PRKCA: variants seen among roughly 807,000 people sequenced by gnomAD.
PRKCA encodes protein kinase C alpha type.
PRKCA carries 27 observed loss-of-function variants against 87.0 expected under a neutral mutation model. The ratio of observed to expected loss-of-function variants is 0.31; its 90% CI spans 0.23 to 0.43. PRKCA has a LOEUF of 0.43. Among genes scored for constraint, PRKCA ranks in the 20% least tolerant of loss-of-function variants. The pLI is 1.00. For synonymous variants in PRKCA, 329 were observed against 311.1 expected (o/e 1.06, Z -0.61); for missense variants, 518 against 852.3 (o/e 0.61, Z 4.88).
intron 2 of PRKCA, among the ~76,000 whole-genome samples, chr17:66,356,302 C>T (rs1908045663): frequency 6.6e-6 from 1 of 151,472 alleles, no homozygotes; most frequent in African/African-American, 2.4e-5. Context: ...TTTTCTTTAT[C>T]ATCCACTTTT....
At chr17:66,641,948 T>A (rs1354027398) in intron 4 of PRKCA, among the ~76,000 whole-genome samples, 1 of 152,100 alleles carries the variant, frequency 6.6e-6, no homozygotes, top group Non-Finnish European at 1.5e-5. Context: ...CAGAATAGCA[T>A]CTTATTGAAG....
chr17:66,590,844 C>T (rs375150230), intron 3 of PRKCA, among the ~76,000 whole-genome samples: 7 of 151,630 alleles, frequency 4.6e-5, no homozygotes, highest in African/African-American at 1.7e-4. Flanking sequence ...AGCAAGACTC[C>T]GTCTCAAAAA....
At chr17:66,571,910 G>A (rs1969089181) in intron 3 of PRKCA, among the ~76,000 whole-genome samples, 1 of 152,170 alleles carries the variant, frequency 6.6e-6, no homozygotes, top group Non-Finnish European at 1.5e-5. Context: ...CTGTATGATA[G>A]TGCAGGGAAC....
At position 66,377,698 on chromosome 17, in the gene PRKCA, G is replaced by GTT. The variant is rs61113832; in HGVS notation, c.205+71574_205+71575dup. On this transcript the variant is annotated intron_variant, in intron 2 of 16. Coordinates refer to ENST00000413366, the MANE Select transcript of PRKCA (RefSeq NM_002737.3). ...TCTATTATATATATATAAAGTCTATGTTTTATATATATATATATATATATT... is the reference window on the plus strand; with the variant it reads ...TCTATTATATATATATAAAGTCTATGTTTTTTATATATATATATATATATATT... Among the ~76,000 whole-genome samples the GTT allele has an allele frequency of 1.3e-3, 108 of 86,006 alleles. 1 individual carries two copies. Among genetic ancestry groups the GTT allele is most frequent in the Admixed American group, 3.1e-3 (18 of 5,726 alleles). 56.4% of individuals were successfully genotyped at this position (86,006 alleles called of 152,430 possible).
intron 13 of PRKCA, among the ~76,000 whole-genome samples, chr17:66,770,888 G>A (rs896973006): frequency 6.6e-6 from 1 of 152,290 alleles, no homozygotes; most frequent in African/African-American, 2.4e-5. Flanking sequence ...GAAGATGCAC[G>A]TGTCTGGGAA....
chr17:66,402,780 A>G (rs951875976), intron 2 of PRKCA, among the ~76,000 whole-genome samples: 3 of 152,230 alleles, frequency 2.0e-5, no homozygotes, highest in African/African-American at 7.2e-5. Context: ...AAGAAGGAAT[A>G]ATTCATAGAA....
chr17:66,784,157 G>A (rs540313512), intron 14 of PRKCA, among the ~76,000 whole-genome samples: 1 of 152,280 alleles, frequency 6.6e-6, no homozygotes, highest in East Asian at 1.9e-4. Context: ...TCCCTGCCAG[G>A]GCACATTTAC....
At chr17:66,512,575 C>T (rs16959404) in intron 3 of PRKCA, among the ~76,000 whole-genome samples, 21,200 of 151,980 alleles carry the variant, frequency 0.14, 1,775 homozygotes, top group East Asian at 0.3. Flanking sequence ...ACATCCCAAG[C>T]TCATTGGCAC....
chr17:66,775,229 T>G, intron 14 of PRKCA: 14 of 981,190 alleles, frequency 1.4e-5, no homozygotes, highest in Non-Finnish European at 1.7e-5. Flanking sequence ...GGTGGGGCAC[T>G]GACCCACAGG....
chr17:66,423,991 T>C lies in PRKCA; in HGVS notation c.206-72210T>C, dbSNP rs1912639260. The stretch of plus-strand genomic sequence containing the variant: ...CCCTGTTTATTAAAACAATTCTCTT[T>C]GGCACTTTGCAGCATTATGATAATG... On this transcript the variant is annotated intron_variant, in intron 2 of 16. Transcript: ENST00000413366. 3.3e-5 allele frequency among the ~76,000 whole-genome samples: 5 copies of C among 152,152 alleles called. No individual in the cohort carries two copies. The South Asian group carries it at 1.0e-3, about 32-fold the overall frequency.
At chr17:66,681,088 G>C (rs912409203) in intron 5 of PRKCA, among the ~76,000 whole-genome samples, 2 of 152,126 alleles carry the variant, frequency 1.3e-5, no homozygotes, top group African/African-American at 2.4e-5. Context: ...AATTAGCCAG[G>C]TGTGATGGTG....
chr17:66,552,105 C>T (rs978551458), intron 3 of PRKCA, among the ~76,000 whole-genome samples: 3 of 152,086 alleles, frequency 2.0e-5, no homozygotes, highest in African/African-American at 7.2e-5. Flanking sequence ...TGAGACCAGT[C>T]TGGGCAACAT....
chr17:66,519,559 A>G (rs891054859), intron 3 of PRKCA, among the ~76,000 whole-genome samples: 4 of 152,126 alleles, frequency 2.6e-5, no homozygotes, highest in East Asian at 1.9e-4. Flanking sequence ...TCACCTTTCA[A>G]TTGGTGATTC....
At chr17:66,553,330 G>C (rs1023097640) in intron 3 of PRKCA, among the ~76,000 whole-genome samples, 6 of 152,110 alleles carry the variant, frequency 3.9e-5, no homozygotes, top group African/African-American at 1.4e-4. Flanking sequence ...AAATGAGATT[G>C]GATCAAATGT....
At chr17:66,588,994 T>C (rs1969711010) in intron 3 of PRKCA, among the ~76,000 whole-genome samples, 1 of 152,182 alleles carries the variant, frequency 6.6e-6, no homozygotes, top group Admixed American at 6.5e-5. Flanking sequence ...TTCTTGATGG[T>C]TCTCCAGGGT....
At chr17:66,742,872 C>A in intron 13 of PRKCA, 112 bp downstream of exon 13, 4 of 1,159,986 alleles carry the variant, frequency 3.4e-6, no homozygotes, top group Non-Finnish European at 4.8e-6. Flanking sequence ...TGGTCACAGC[C>A]ACTAAATGGA....
intron 16 of PRKCA, among the ~76,000 whole-genome samples, chr17:66,798,413 A>ATGGTGGTGGTGGTGGTGATGGTGG (rs1975729752): frequency 3.9e-5 from 2 of 51,766 alleles, no homozygotes; most frequent in Non-Finnish European, 7.4e-5. Context: ...GGTGATGGTG[A>ATGGTGGTGGTGGTGGTGATGGTGG]TGGTGGTGGT....
intron 3 of PRKCA, among the ~76,000 whole-genome samples, chr17:66,571,970 C>A (rs992991661): frequency 6.6e-6 from 1 of 152,106 alleles, no homozygotes; most frequent in South Asian, 2.1e-4. Context: ...TGTGCCACTC[C>A]GTATAATTCC....
chr17:66,801,136 G>A (rs1455676413), intron 16 of PRKCA, among the ~76,000 whole-genome samples: 1 of 152,172 alleles, frequency 6.6e-6, no homozygotes, highest in Non-Finnish European at 1.5e-5. Context: ...CTCACATACG[G>A]CTGCTCCTGC....
Sources: allele counts gnomAD v4.1 joint callset (sites outside exome capture counted in the v4.1 genomes callset), GRCh38; gene constraint gnomAD v4.1.1; transcripts MANE v1.5; gene names NCBI Gene and HGNC (gene_info 2026-07-23, HGNC 2026-07-21).